Variants in PDE11A observed in about 807,000 individuals in gnomAD.
PDE11A encodes the protein dual 3',5'-cyclic-AMP and -GMP phosphodiesterase 11A.
PDE11A carries 100 observed loss-of-function variants against 100.5 expected under a neutral mutation model. That is an observed-to-expected ratio of 1.00 (90% confidence interval 0.85 to 1.18). The LOEUF (loss-of-function observed/expected upper bound fraction) is 1.18. Among genes scored for constraint, PDE11A ranks in the 50% most tolerant of loss-of-function variants. PDE11A has a pLI of 0.00. For missense variants in PDE11A, 1,141 were observed against 1,152.6 expected (o/e 0.99, Z 0.15); for synonymous variants, 381 against 420.8 (o/e 0.91, Z 1.16).
chr2:177,811,019 A>G (rs1485222701), intron 9 of PDE11A, among the ~76,000 whole-genome samples: 1 of 152,156 alleles, frequency 6.6e-6, no homozygotes, highest in Non-Finnish European at 1.5e-5. Context: ...CCCTTAGCAC[A>G]CAGACTTATA....
At chr2:177,776,007 G>T (rs572333540) in intron 9 of PDE11A, among the ~76,000 whole-genome samples, 1 of 152,220 alleles carries the variant, frequency 6.6e-6, no homozygotes, top group African/African-American at 2.4e-5. Context: ...AATATTTAAT[G>T]AATCAAGGAA....
At chr2:177,663,387 C>T (rs991700135) in intron 19 of PDE11A, among the ~76,000 whole-genome samples, 14 of 151,796 alleles carry the variant, frequency 9.2e-5, no homozygotes, top group Non-Finnish European at 1.6e-4. Context: ...CAGAGCCGAA[C>T]ACCATGTTTC....
chr2:177,704,200 G>C, intron 13 of PDE11A, among the ~76,000 whole-genome samples: 1 of 152,108 alleles, frequency 6.6e-6, no homozygotes, highest in African/African-American at 2.4e-5. Flanking sequence ...GACATGTTCT[G>C]ACCTTCAGGA....
chr2:177,787,997 AG>A (rs2082565917), intron 9 of PDE11A, among the ~76,000 whole-genome samples: 1 of 152,108 alleles, frequency 6.6e-6, no homozygotes, highest in South Asian at 2.1e-4. Flanking sequence ...AAAGTTAACA[AG>A]GATACCCAGG....
intron 10 of PDE11A, among the ~76,000 whole-genome samples, chr2:177,736,687 A>C (rs530866609): frequency 6.6e-6 from 1 of 152,262 alleles, no homozygotes; most frequent in Admixed American, 6.5e-5. Context: ...CCATGGAGGC[A>C]AAGGACTCCC....
chr2:178,069,878 A>G (rs2087102505), intron 1 of PDE11A, among the ~76,000 whole-genome samples: 1 of 152,186 alleles, frequency 6.6e-6, no homozygotes, highest in Non-Finnish European at 1.5e-5. Context: ...GAGAAAATCA[A>G]TTGGGGATGA....
rs367842259 is a variant in PDE11A, at chr2:177,663,887, G to A, written c.2625C>T (p.Ser875=). 65 of 1,601,874 alleles carry A rather than the reference G, an allele frequency of 4.1e-5. No individual in the cohort carries two copies. The highest frequency in any genetic ancestry group is 5.1e-5 in the Non-Finnish European group (60 of 1,168,960). The change falls in exon 19 of 20, where the codon AGC becomes AGT. Residue 875 remains serine (S), a synonymous_variant. Coordinates refer to ENST00000286063, the MANE Select transcript of PDE11A (RefSeq NM_016953.4). The stretch of plus-strand genomic sequence containing the variant: ...GTACCTGATACAAAGGCATGCAGAT[G>A]CTATCAATCCACTCCAGTTGCAACC... ...LPRLQLEWID[S]ICMPLYQALV...
At chr2:177,836,301 G>A (rs903388526) in intron 6 of PDE11A, among the ~76,000 whole-genome samples, 5 of 152,114 alleles carry the variant, frequency 3.3e-5, no homozygotes, top group African/African-American at 9.7e-5. Context: ...CTAAAGGATT[G>A]TAAATACACC....
At chr2:177,997,888 G>A in intron 2 of PDE11A, 3 of 1,374,774 alleles carry the variant, frequency 2.2e-6, no homozygotes, top group South Asian at 1.2e-5. Context: ...ACCACAAAAT[G>A]AACTCATCTC....
chr2:177,853,951 T>C (rs1240622495), intron 5 of PDE11A, among the ~76,000 whole-genome samples: 2 of 148,562 alleles, frequency 1.3e-5, no homozygotes, highest in Non-Finnish European at 3.0e-5. Flanking sequence ...TATATATCTA[T>C]ATATATGTGT....
chr2:178,033,169 T>A (rs1048603532), intron 1 of PDE11A, among the ~76,000 whole-genome samples: 4 of 152,132 alleles, frequency 2.6e-5, no homozygotes, highest in Admixed American at 6.6e-5. Context: ...TTACAGGAAC[T>A]GCTAACTAGA....
intron 9 of PDE11A, among the ~76,000 whole-genome samples, chr2:177,774,369 T>C (rs918693724): frequency 1.3e-5 from 2 of 152,202 alleles, no homozygotes; most frequent in African/African-American, 4.8e-5. Flanking sequence ...CTGGAACAGC[T>C]CGTGTCAAGG....
chr2:177,670,383 T>C (rs2080659690), intron 17 of PDE11A, among the ~76,000 whole-genome samples: 1 of 6,990 alleles, frequency 1.4e-4, no homozygotes. Flanking sequence ...CTAAACAGAT[T>C]TTTTTTTTTC....
chr2:177,669,381 T>G lies in PDE11A; in HGVS notation c.2562+112A>C, dbSNP rs372939258. The G allele has an allele frequency of 1.6e-5, 11 of 708,656 alleles. No individual in the cohort carries two copies. In the African/African-American group the frequency reaches 1.7e-4, roughly 11 times the overall value. 43.9% of individuals were successfully genotyped at this position (708,656 alleles called of 1,614,324 possible). ...AATTAAGGTTTTAAACTTTCAGGAG[T>G]GCTTCCTTAAACCCATTTTCAGTCT... On this transcript the variant is annotated intron_variant, in intron 18 of 19. Transcript: ENST00000286063.
intron 2 of PDE11A, among the ~76,000 whole-genome samples, chr2:177,955,801 C>A (rs923062889): frequency 2.0e-5 from 3 of 152,114 alleles, no homozygotes; most frequent in South Asian, 2.1e-4. Flanking sequence ...GAAAAACAAG[C>A]AATGGGGAAA....
At chr2:177,831,380 T>C (rs1359401337) in intron 6 of PDE11A, among the ~76,000 whole-genome samples, 2 of 152,242 alleles carry the variant, frequency 1.3e-5, no homozygotes, top group Non-Finnish European at 2.9e-5. Context: ...GGGCAGAGTT[T>C]CTAAGGACTT....
intron 1 of PDE11A, among the ~76,000 whole-genome samples, chr2:178,022,524 A>C (rs1159823146): frequency 1.3e-5 from 2 of 152,206 alleles, no homozygotes; most frequent in African/African-American, 4.8e-5. Context: ...AATGGAAAGT[A>C]AAAATTGTCT....
At chr2:177,825,137 A>G (rs150182311) in intron 6 of PDE11A, among the ~76,000 whole-genome samples, 15 of 152,356 alleles carry the variant, frequency 9.8e-5, no homozygotes, top group African/African-American at 3.6e-4. Context: ...CATTGAAGGC[A>G]AAAATGGTCA....
At chr2:177,691,158 A>C (rs527244081) in intron 15 of PDE11A, among the ~76,000 whole-genome samples, 68 of 152,262 alleles carry the variant, frequency 4.5e-4, no homozygotes, top group Middle Eastern at 6.8e-3. Flanking sequence ...AGAGGATGAG[A>C]TATAGCGTTA....
Sources: gnomAD v4.1 joint callset for allele counts (sites outside exome capture counted in the v4.1 genomes callset) on GRCh38, gnomAD v4.1.1 for gene constraint, MANE v1.5 for transcripts, NCBI Gene and HGNC (gene_info 2026-07-23, HGNC 2026-07-21) for gene names.